The following DCAF1 variants were observed in gnomAD, a reference collection of about 807,000 sequenced individuals.
DCAF1 encodes the protein DDB1 and CUL4 associated factor 1.
In DCAF1, 15 loss-of-function variants were observed where a neutral mutation model predicts 128.0. That is an observed-to-expected ratio of 0.12 (90% CI 0.08 to 0.18). The LOEUF (loss-of-function observed/expected upper bound fraction) is 0.18. Ranked by LOEUF, DCAF1 falls within the 10% of genes least tolerant of loss-of-function variation. DCAF1 has a pLI of 1.00. For synonymous variants in DCAF1, 610 were observed against 603.0 expected (o/e 1.01, Z -0.17); for missense variants, 988 against 1,649.5 (o/e 0.60, Z 6.95).
At chr3:51,446,682 G>A (rs933114678) in intron 6 of DCAF1, among the ~76,000 whole-genome samples, 4 of 151,718 alleles carry the variant, frequency 2.6e-5, no homozygotes, top group Non-Finnish European at 5.9e-5. Context: ...AATACTGGCC[G>A]TGCACAGTGG....
At chr3:51,438,103 T>A in intron 9 of DCAF1, 1 of 439,074 alleles carries the variant, frequency 2.3e-6, no homozygotes, top group Non-Finnish European at 4.4e-6. Context: ...GCCCAAAATT[T>A]CCCTGAAAGT....
chr3:51,436,821 G>A (rs1353870502), intron 9 of DCAF1, among the ~76,000 whole-genome samples: 1 of 152,098 alleles, frequency 6.6e-6, no homozygotes, highest in Non-Finnish European at 1.5e-5. Flanking sequence ...GAGACCGTTG[G>A]GTAGTTTGCC....
intron 6 of DCAF1, among the ~76,000 whole-genome samples, chr3:51,453,935 G>T (rs746290005): frequency 6.6e-5 from 10 of 150,468 alleles, no homozygotes; most frequent in Non-Finnish European, 1.5e-4. Flanking sequence ...CTGCACGACA[G>T]AGCGAGACTC....
At chr3:51,457,996 C>G (rs1271337653) in intron 6 of DCAF1, among the ~76,000 whole-genome samples, 15 of 152,200 alleles carry the variant, frequency 9.9e-5, no homozygotes, top group Non-Finnish European at 2.2e-4. Context: ...TAGGAAGAAA[C>G]TGCATCAACT....
intron 9 of DCAF1, among the ~76,000 whole-genome samples, chr3:51,434,299 C>T (rs1559506165): frequency 2.6e-5 from 4 of 151,664 alleles, no homozygotes; most frequent in East Asian, 2.0e-4. Flanking sequence ...TTACTCAGGA[C>T]GGTGAGGTAA....
rs540762376 is a variant in DCAF1 at position 51,466,719 on chromosome 3, G to A, written c.261+84C>T. 1.5e-5 allele frequency: 21 copies of A among 1,396,040 alleles called. No homozygotes were observed. In the South Asian group the frequency reaches 2.1e-4, roughly 14 times the overall value. 86.5% of individuals were successfully genotyped at this position (1,396,040 alleles called of 1,614,324 possible). ...TCCCAACTTTGTCAAGGCCTTAGGAGAAGGCAAACTATTCACGAAAAAACA... is the reference window on the plus strand; with the variant it reads ...TCCCAACTTTGTCAAGGCCTTAGGAAAAGGCAAACTATTCACGAAAAAACA... On this transcript the variant is annotated intron_variant, in intron 5 of 24. Coordinates refer to ENST00000684031, the MANE Select transcript of DCAF1 (RefSeq NM_001387579.1).
Position 51,483,714 on chromosome 3 carries a change from C to A in DCAF1, c.110+5G>T, listed in dbSNP as rs373829775. Reference sequence around the variant, plus strand: ...TAAACTAGGTTTTAAAAAAGTTATTCATACCTGGTAAGGATAGGTACCATG... The same window carrying A: ...TAAACTAGGTTTTAAAAAAGTTATTAATACCTGGTAAGGATAGGTACCATG... On this transcript the variant is annotated splice_donor_5th_base_variant and intron_variant, in intron 3 of 24. Transcript: ENST00000684031. 8 of 1,605,212 alleles carry A rather than the reference C, an allele frequency of 5.0e-6. No individual in the cohort carries two copies. The highest frequency in any genetic ancestry group is 6.8e-6 in the Non-Finnish European group (8 of 1,174,272).
intron 1 of DCAF1, among the ~76,000 whole-genome samples, chr3:51,499,064 C>G (rs1019112506): frequency 1.1e-4 from 17 of 152,202 alleles, no homozygotes; most frequent in Non-Finnish European, 1.9e-4. Context: ...TCAAAAATAG[C>G]TAAATACAAA....
intron 3 of DCAF1, among the ~76,000 whole-genome samples, chr3:51,482,455 G>C (rs1330933456): frequency 1.3e-5 from 2 of 150,332 alleles, no homozygotes; most frequent in East Asian, 2.0e-4. Context: ...AACAGAGCCA[G>C]AAGAGCCAGG....
At chr3:51,492,675 C>G (rs1707784997) in intron 2 of DCAF1, among the ~76,000 whole-genome samples, 1 of 152,106 alleles carries the variant, frequency 6.6e-6, no homozygotes, top group Non-Finnish European at 1.5e-5. Context: ...TGTGAAGAAA[C>G]TGGAACACAT....
At chr3:51,475,701 C>A (rs1705354025) in intron 3 of DCAF1, among the ~76,000 whole-genome samples, 1 of 152,108 alleles carries the variant, frequency 6.6e-6, no homozygotes, top group South Asian at 2.1e-4. Flanking sequence ...CTCTACTAAA[C>A]ATACAAAAAA....
intron 23 of DCAF1, among the ~76,000 whole-genome samples, chr3:51,405,786 C>T (rs1045590985): frequency 6.6e-6 from 1 of 152,196 alleles, no homozygotes; most frequent in African/African-American, 2.4e-5. Context: ...TAACTGGTGG[C>T]ATGAACCCCT....
Position 51,441,713 on chromosome 3 carries a change from G to A in DCAF1, c.698C>T (p.Ala233Val). The stretch of plus-strand genomic sequence containing the variant: ...AAAGGAGATCTCCATGTCTCCAGAA[G>A]CTTCCTCTTGGTCTCCATCCACTAC... ...VDVVDGDQEE[A>V]SGDMEISFHL... is the part of the protein sequence containing the mutation. Residue 233 changes from alanine to valine, a missense_variant, in exon 8 of 25, where the codon GCT becomes GTT. Ala to Val is a moderately conservative substitution (Grantham distance 64). Coordinates refer to ENST00000684031, the MANE Select transcript of DCAF1 (RefSeq NM_001387579.1). 6.2e-7 allele frequency: 1 copy of A among 1,613,946 alleles called. No homozygotes were observed. Among genetic ancestry groups the A allele is most frequent in the Non-Finnish European group, 8.5e-7 (1 of 1,179,880 alleles).
chr3:51,500,329 G>A (rs919473498), upstream of DCAF1, among the ~76,000 whole-genome samples: 1 of 151,996 alleles, frequency 6.6e-6, no homozygotes, highest in Non-Finnish European at 1.5e-5. Context: ...GAAGTGAAAA[G>A]TGAGGGAGCC....
At chr3:51,501,654 C>T (rs147179526), upstream of DCAF1, among the ~76,000 whole-genome samples, 27 of 152,062 alleles carry the variant, frequency 1.8e-4, no homozygotes, top group African/African-American at 6.0e-4. Flanking sequence ...GAAAAGGGAC[C>T]ATCCTCCTTC....
At chr3:51,427,564 T>C (rs534901183) in intron 12 of DCAF1, 23 bp from the exon 13 acceptor site, 2 of 606,824 alleles carry the variant, frequency 3.3e-6, no homozygotes, top group South Asian at 2.1e-5. Context: ...ATATATAGTA[T>C]TATTATTATA....
upstream of DCAF1, among the ~76,000 whole-genome samples, chr3:51,501,463 T>C (rs141678643): frequency 5.7e-4 from 87 of 152,222 alleles, no homozygotes; most frequent in African/African-American, 1.9e-3. Context: ...TGCAGCTCAT[T>C]ATCTCTCCGG....
intron 7 of DCAF1, among the ~76,000 whole-genome samples, chr3:51,442,622 C>T (rs1386095584): frequency 6.6e-6 from 1 of 151,944 alleles, no homozygotes; most frequent in Non-Finnish European, 1.5e-5. Context: ...TCACTTGAAC[C>T]CGGAAGGTGG....
intron 24 of DCAF1, among the ~76,000 whole-genome samples, chr3:51,399,647 C>T (rs1553624299): frequency 6.6e-6 from 1 of 152,052 alleles, no homozygotes; most frequent in Non-Finnish European, 1.5e-5. Flanking sequence ...GGTAGATACA[C>T]CATGTCTGGC....
Sources: allele counts gnomAD v4.1 joint callset (sites outside exome capture counted in the v4.1 genomes callset), GRCh38; gene constraint gnomAD v4.1.1; transcripts MANE v1.5; gene names NCBI Gene and HGNC (gene_info 2026-07-23, HGNC 2026-07-21).